Variants in STK39 observed in about 807,000 individuals in gnomAD.
The protein encoded by STK39 is STE20/SPS1-related proline-alanine-rich protein kinase.
Under a neutral mutation model 77.8 loss-of-function variants are expected in STK39, and 20 were observed. That is an observed-to-expected ratio of 0.26 (90% CI 0.18 to 0.37). STK39 has a LOEUF of 0.37. STK39 is among the 10% of genes least tolerant of loss of function. The pLI is 1.00. For missense variants in STK39, 479 were observed against 656.5 expected, an observed-to-expected ratio of 0.73 and a Z score of 2.95; for synonymous variants, 246 against 234.1, an observed-to-expected ratio of 1.05 and a Z score of -0.47.
At chr2:168,039,009 C>G (rs944362363) in intron 14 of STK39, among the ~76,000 whole-genome samples, 13 of 152,208 alleles carry the variant, frequency 8.5e-5, no homozygotes, top group African/African-American at 3.1e-4. Context: ...ACACCTACCA[C>G]CTAACCCAGC....
At chr2:168,139,883 C>T (rs1015194053) in intron 7 of STK39, among the ~76,000 whole-genome samples, 1 of 151,700 alleles carries the variant, frequency 6.6e-6, no homozygotes, top group Non-Finnish European at 1.5e-5. Flanking sequence ...TTGTAGTCCA[C>T]TTAAAAAGAA....
In STK39 at chr2:168,159,377, G is replaced by A. The variant is rs72874918; in HGVS notation, c.628+2410C>T. 3.5e-3 allele frequency among the ~76,000 whole-genome samples: 533 copies of A among 152,038 alleles called. 2 individuals are homozygous for A. The highest frequency in any genetic ancestry group is 8.5e-3 in the African/African-American group (354 of 41,452). The stretch of plus-strand genomic sequence containing the variant: ...ACATTCCACTCTTCCCCCCGATCTC[G>A]CCTGTTTCACCCACCGACAAGGATG... On this transcript the variant is annotated intron_variant, in intron 5 of 17. Transcript: ENST00000355999.
At chr2:167,956,694 ACACTCTCTCT>A (rs1360760133) in intron 17 of STK39, among the ~76,000 whole-genome samples, 39 of 41,728 alleles carry the variant, frequency 9.3e-4, no homozygotes, top group African/African-American at 4.9e-3. Flanking sequence ...ACACACACAC[ACACTCTCTCT>A]CTCTCTCTCT....
chr2:168,027,003 T>G (rs1467554474), intron 14 of STK39, among the ~76,000 whole-genome samples: 1 of 152,184 alleles, frequency 6.6e-6, no homozygotes, highest in African/African-American at 2.4e-5. Context: ...CATTTATTAC[T>G]TTGCACATTC....
intron 14 of STK39, among the ~76,000 whole-genome samples, chr2:168,060,387 C>T (rs943975937): frequency 4.6e-5 from 7 of 152,198 alleles, no homozygotes; most frequent in African/African-American, 1.4e-4. Flanking sequence ...ACCCAAGAGA[C>T]ACCAGAGAGC....
intron 10 of STK39, among the ~76,000 whole-genome samples, chr2:168,107,396 C>T (rs1687002705): frequency 6.6e-6 from 1 of 152,198 alleles, no homozygotes; most frequent in African/African-American, 2.4e-5. Flanking sequence ...TCTAACCTCA[C>T]TTGTCACGTG....
At chr2:168,090,964 T>C (rs7568789) in intron 10 of STK39, among the ~76,000 whole-genome samples, 2,102 of 152,214 alleles carry the variant, frequency 0.014, 43 homozygotes, top group African/African-American at 0.048. Flanking sequence ...ATGATCAAAA[T>C]AGATGGGCCC....
intron 16 of STK39, among the ~76,000 whole-genome samples, chr2:168,008,277 G>T (rs1684182607): frequency 6.6e-6 from 1 of 152,220 alleles, no homozygotes. Flanking sequence ...GTTGAGAGGG[G>T]CTTGAAACGT....
At chr2:168,222,309 C>A (rs1690193527) in intron 1 of STK39, among the ~76,000 whole-genome samples, 1 of 152,154 alleles carries the variant, frequency 6.6e-6, no homozygotes, top group Non-Finnish European at 1.5e-5. Context: ...CCAATGTCCC[C>A]ATCATTGCTC....
chr2:167,996,568 G>A (rs1354376077), intron 16 of STK39, among the ~76,000 whole-genome samples: 1 of 152,194 alleles, frequency 6.6e-6, no homozygotes, highest in Non-Finnish European at 1.5e-5. Context: ...AGGGAATTTA[G>A]AACATCACCT....
intron 5 of STK39, among the ~76,000 whole-genome samples, chr2:168,147,770 C>A (rs963289182): frequency 2.0e-5 from 3 of 152,090 alleles, no homozygotes; most frequent in African/African-American, 7.2e-5. Flanking sequence ...TGCTAATGGG[C>A]CCAGTATACT....
intron 5 of STK39, among the ~76,000 whole-genome samples, chr2:168,153,236 G>T (rs1406275088): frequency 6.6e-6 from 1 of 152,142 alleles, no homozygotes; most frequent in Non-Finnish European, 1.5e-5. Flanking sequence ...ACAACTATTT[G>T]CCAAGATCTT....
intron 14 of STK39, among the ~76,000 whole-genome samples, chr2:168,033,339 C>T (rs1195752745): frequency 6.6e-6 from 1 of 152,044 alleles, no homozygotes; most frequent in Non-Finnish European, 1.5e-5. Context: ...CGCATTAGGA[C>T]AAAATCTAAG....
chr2:168,247,061 TAAAAAAAAAAAAAA>T (rs755613797), intron 1 of STK39, among the ~76,000 whole-genome samples, 153 bp downstream of exon 1: 10 of 89,294 alleles, frequency 1.1e-4, no homozygotes, highest in East Asian at 5.7e-4. Flanking sequence ...CATTAAAAAT[TAAAAAAAAAAAAAA>T]AAAAAAAAAA....
intron 1 of STK39, among the ~76,000 whole-genome samples, chr2:168,221,796 C>A (rs775132491): frequency 3.3e-5 from 5 of 152,038 alleles, no homozygotes; most frequent in Non-Finnish European, 7.4e-5. Context: ...CTGGCACTCA[C>A]CGGGGCGCAA....
chr2:168,051,642 A>T (rs1685398120), intron 14 of STK39, among the ~76,000 whole-genome samples: 1 of 152,182 alleles, frequency 6.6e-6, no homozygotes, highest in South Asian at 2.1e-4. Flanking sequence ...TTTTTGAGAC[A>T]GGGTCTCACT....
rs578147574 is a variant in STK39, at chr2:168,049,080, T to C, written c.1376+14420A>G. ...TAAAACCACCAGCCCTTTGCCCAGA[T>C]GCTCGTTGGATTGTCAGTTGATGTA... On this transcript the variant is annotated intron_variant, in intron 14 of 17. Coordinates refer to ENST00000355999, the MANE Select transcript of STK39 (RefSeq NM_013233.3). 8.5e-5 allele frequency among the ~76,000 whole-genome samples: 13 copies of C among 152,314 alleles called. No homozygotes were observed. In the South Asian group the frequency reaches 2.1e-3, roughly 24 times the overall value.
chr2:167,986,810 A>C (rs1683572101), intron 16 of STK39, among the ~76,000 whole-genome samples: 1 of 152,164 alleles, frequency 6.6e-6, no homozygotes, highest in African/African-American at 2.4e-5. Context: ...AGCCATTTGT[A>C]GGAGGATGTG....
chr2:167,963,198 ACAGAATC>A (rs1692043213), intron 17 of STK39, among the ~76,000 whole-genome samples: 1 of 152,174 alleles, frequency 6.6e-6, no homozygotes, highest in Admixed American at 6.5e-5. Flanking sequence ...AGGGAAGAGG[ACAGAATC>A]CAGAGAGAAT....
Sources: allele counts gnomAD v4.1 joint callset (sites outside exome capture counted in the v4.1 genomes callset), GRCh38; gene constraint gnomAD v4.1.1; transcripts MANE v1.5; gene names NCBI Gene and HGNC (gene_info 2026-07-23, HGNC 2026-07-21).